Variants in CD81 observed in about 807,000 individuals in gnomAD.
CD81 encodes CD81 molecule, also known as CD81 antigen.
In CD81, 10 loss-of-function variants were observed where a neutral mutation model predicts 30.1. That is an observed-to-expected ratio of 0.33 (90% CI 0.21 to 0.56). The LOEUF (loss-of-function observed/expected upper bound fraction) is 0.56, where lower values mean the gene tolerates loss of function less well. Ranked by LOEUF, CD81 falls within the 20% of genes least tolerant of loss-of-function variation. The pLI is 0.89. For synonymous variants in CD81, 147 were observed against 126.4 expected, an observed-to-expected ratio of 1.16 and a Z score of -1.10; for missense variants, 263 against 308.7, an observed-to-expected ratio of 0.85 and a Z score of 1.11.
At chr11:2,390,815 C>T (rs931854010) in intron 2 of CD81, among the ~76,000 whole-genome samples, 20 of 152,048 alleles carry the variant, frequency 1.3e-4, no homozygotes, top group Non-Finnish European at 2.9e-5. Context: ...GGGGAGGCTC[C>T]CTGAGAAGGG....
intron 1 of CD81, among the ~76,000 whole-genome samples, chr11:2,388,038 A>G (rs1225646170): frequency 6.6e-6 from 1 of 152,132 alleles, no homozygotes; most frequent in African/African-American, 2.4e-5. Flanking sequence ...TGGCACCAGC[A>G]GCCCCTATGA....
intron 1 of CD81, among the ~76,000 whole-genome samples, chr11:2,387,024 C>T (rs1050401140): frequency 2.0e-5 from 3 of 152,360 alleles, no homozygotes; most frequent in African/African-American, 4.8e-5. Flanking sequence ...CCACCATTAG[C>T]AGGTTTGGGG....
chr11:2,385,111 A>G (rs1849768818), intron 1 of CD81, among the ~76,000 whole-genome samples: 1 of 152,106 alleles, frequency 6.6e-6, no homozygotes, highest in African/African-American at 2.4e-5. Flanking sequence ...TAGCGCCAAG[A>G]TGGCAGCCTG....
At chr11:2,385,868 G>C in intron 1 of CD81, 1 of 648,782 alleles carries the variant, frequency 1.5e-6, no homozygotes. Flanking sequence ...TAGAACATTT[G>C]TGTACAAGTC....
At chr11:2,395,584 C>T in intron 5 of CD81, 64 bp downstream of exon 5, 2 of 1,281,754 alleles carry the variant, frequency 1.6e-6, no homozygotes, top group Non-Finnish European at 2.3e-6. Flanking sequence ...TGTGTCTCGT[C>T]CTGGATGAAT....
upstream of CD81, among the ~76,000 whole-genome samples, chr11:2,377,115 C>G (rs564650716): frequency 6.6e-6 from 1 of 152,184 alleles, no homozygotes; most frequent in East Asian, 1.9e-4. This position sits in a 1 kb window ranked among gnomAD's most constrained non-coding sequence, Gnocchi z 7.7. Flanking sequence ...GCGCCCAGCA[C>G]GGTGCACCTG....
chr11:2,380,742 T>C, intron 1 of CD81, among the ~76,000 whole-genome samples: 2 of 152,198 alleles, frequency 1.3e-5, no homozygotes, highest in East Asian at 3.9e-4. Context: ...GGAACTGGCC[T>C]GTGGGAGCCT....
chr11:2,387,339 C>T (rs1768451323), intron 1 of CD81, among the ~76,000 whole-genome samples: 1 of 152,212 alleles, frequency 6.6e-6, no homozygotes. Flanking sequence ...CATCCACCTG[C>T]CCCACTCTGT....
chr11:2,393,573 C>T (rs557702181), intron 2 of CD81: 6 of 368,262 alleles, frequency 1.6e-5, no homozygotes, highest in Admixed American at 1.3e-4. Context: ...CCAGCAGGGC[C>T]CCCCCACCCT....
chr11:2,395,005 G>A lies in CD81; in HGVS notation c.313G>A (p.Glu105Lys). The A allele has an allele frequency of 6.2e-7, 1 of 1,612,692 alleles. No individual in the cohort carries two copies. The highest frequency in any genetic ancestry group is 8.5e-7 in the Non-Finnish European group (1 of 1,179,984). The change falls in exon 4 of 8, where the codon GAG becomes AAG. Residue 105 changes from glutamate (E) to lysine (K), a missense_variant. Coordinates refer to ENST00000263645, the MANE Select transcript of CD81 (RefSeq NM_004356.4). ...CTGCCTGGTCATCCTGTTTGCCTGT[G>A]AGGTGGCCGCCGGCATCTGGGGCTT... The part of the protein sequence containing the change: ...FTCLVILFAC[E>K]VAAGIWGFVN...
chr11:2,380,453 A>G (rs1849685521), intron 1 of CD81, among the ~76,000 whole-genome samples: 1 of 152,062 alleles, frequency 6.6e-6, no homozygotes, highest in African/African-American at 2.4e-5. Context: ...CCACCTTCAC[A>G]CACACTCACA....
rs1424668991 is a variant in CD81 at position 2,394,150 on chromosome 11, C to T, written c.237C>T (p.Gly79=). Residue 79 remains glycine, a synonymous_variant, in exon 3 of 8, where the codon GGC becomes GGT. Transcript: ENST00000263645. Reference sequence around the variant, plus strand: ...TCATGATGTTCGTTGGCTTCCTGGGCTGCTACGGGGCCATCCAGGAATCCC... The same window carrying T: ...TCATGATGTTCGTTGGCTTCCTGGGTTGCTACGGGGCCATCCAGGAATCCC... The part of the protein sequence containing the change: ...GAVMMFVGFL[G]CYGAIQESQC... 1.2e-6 allele frequency: 2 copies of T among 1,613,242 alleles called. No individual in the cohort carries two copies. Among genetic ancestry groups the T allele is most frequent in the Non-Finnish European group, 8.5e-7 (1 of 1,179,864 alleles).
chr11:2,390,349 G>C, intron 1 of CD81, 63 bp from the exon 2 acceptor site: 1 of 1,284,880 alleles, frequency 7.8e-7, no homozygotes, highest in Non-Finnish European at 1.1e-6. Context: ...TTGCGTGTGG[G>C]GTGGGCGCAC....
chr11:2,386,285 C>T, intron 1 of CD81: 1 of 662,216 alleles, frequency 1.5e-6, no homozygotes, highest in South Asian at 1.7e-5. Flanking sequence ...GAAAGCTCTG[C>T]ATACGTTCAG....
rs578008718 is a variant in CD81 at position 2,387,362 on chromosome 11, C to T, written c.67-3050C>T. On this transcript the variant is annotated intron_variant, in intron 1 of 7. Coordinates refer to ENST00000263645, the MANE Select transcript of CD81 (RefSeq NM_004356.4). Reference sequence around the variant, plus strand: ...TGCCCCACTCTGTCCTGGAACAGCTCTCAAAACGGTCTCTGGACCACAGTT... The same window carrying T: ...TGCCCCACTCTGTCCTGGAACAGCTTTCAAAACGGTCTCTGGACCACAGTT... 6.6e-5 allele frequency among the ~76,000 whole-genome samples: 10 copies of T among 152,328 alleles called. No individual in the cohort carries two copies. In the South Asian group the frequency reaches 2.1e-3, roughly 32 times the overall value.
chr11:2,379,137 A>G, intron 1 of CD81: 1 of 454,882 alleles, frequency 2.2e-6, no homozygotes, highest in Non-Finnish European at 4.4e-6. Flanking sequence ...GCTTCAGCCC[A>G]GGCATGTGGG....
At chr11:2,388,852 C>CCCAG (rs1318288972) in intron 1 of CD81, among the ~76,000 whole-genome samples, 1 of 152,210 alleles carries the variant, frequency 6.6e-6, no homozygotes, top group Non-Finnish European at 1.5e-5. Context: ...AGAAGACTCG[C>CCCAG]CCAGGCCCAT....
intron 1 of CD81, among the ~76,000 whole-genome samples, chr11:2,380,728 A>G (rs1313980088): frequency 6.6e-6 from 1 of 152,140 alleles, no homozygotes; most frequent in African/African-American, 2.4e-5. Context: ...GTGTCCCGGG[A>G]CAGGGAACTG....
At chr11:2,385,959 C>A in intron 1 of CD81, 2 of 690,608 alleles carry the variant, frequency 2.9e-6, no homozygotes, top group Non-Finnish European at 2.7e-6. Context: ...GTGGGTTTCA[C>A]TGCTTAAGCA....
Sources: gnomAD v4.1 joint callset for allele counts (sites outside exome capture counted in the v4.1 genomes callset) on GRCh38, gnomAD v4.1.1 for gene constraint, Gnocchi (gnomAD v3.1) non-coding constraint, MANE v1.5 for transcripts, NCBI Gene and HGNC (gene_info 2026-07-23, HGNC 2026-07-21) for gene names.